Variants in JRK observed in about 807,000 individuals in gnomAD.
JRK encodes jerky protein homolog.
For missense variants in JRK, 720 were observed against 509.2 expected, an observed-to-expected ratio of 1.41 and a Z score of -3.98; for synonymous variants, 303 against 218.1, an observed-to-expected ratio of 1.39 and a Z score of -3.43.
rs587664513 is a variant in JRK, at chr8:142,664,125, C to T, written c.*227G>A. 345 of 1,325,248 alleles carry T rather than the reference C, an allele frequency of 2.6e-4. 1 individual carries two copies. The highest frequency in any genetic ancestry group is 9.6e-6 in the Non-Finnish European group (10 of 1,041,550). The allele number at this position is 1,325,248 out of a possible 1,614,324, so 82.1% of individuals were successfully genotyped here. On this transcript the variant is annotated 3_prime_UTR_variant, in exon 2 of 2. Coordinates refer to ENST00000612905, the MANE Select transcript of JRK (RefSeq NM_003724.4). The stretch of plus-strand genomic sequence containing the variant: ...TGGACCCTTCCAAAACATTTCCTCA[C>T]TTTCGGATGACACGGCAAGTGATAA...
In JRK at chr8:142,665,820, G is replaced by A. The variant is rs1554635899; in HGVS notation, c.239C>T (p.Thr80Met). The A allele has an allele frequency of 3.9e-6, 3 of 779,034 alleles. No homozygotes were observed. The highest frequency in any genetic ancestry group is 3.4e-5 in the Admixed American group (2 of 58,858). 48.3% of individuals were successfully genotyped at this position (779,034 alleles called of 1,614,324 possible). ...DSNKALEQRRTLHTPKLEHLD... is the reference protein window; with the variant it reads ...DSNKALEQRRMLHTPKLEHLD... ...GTGCTCCAGCTTGGGCGTGTGCAGC[G>A]TGCGCCGCTGCTCCAGCGCCTTGTT... Residue 80 changes from threonine (T) to methionine (M), a missense_variant, in exon 2 of 2, where the codon ACG becomes ATG. Coordinates refer to ENST00000612905, the MANE Select transcript of JRK (RefSeq NM_003724.4).
Position 142,658,864 on chromosome 8 carries a change from T to C in JRK, c.*5488A>G, listed in dbSNP as rs587653460. On this transcript the variant is annotated 3_prime_UTR_variant, in exon 2 of 2. Transcript: ENST00000612905. ...CAGAAGTTCTCCAACATTATGTCTCTGTAGAGGCCTCCAGGCAGCACTTAG... is the reference window on the plus strand; with the variant it reads ...CAGAAGTTCTCCAACATTATGTCTCCGTAGAGGCCTCCAGGCAGCACTTAG... The C allele has an allele frequency of 6.2e-6, 10 of 1,613,158 alleles. No homozygotes were observed. The African/African-American group carries it at 9.3e-5, about 15-fold the overall frequency.
chr8:142,669,201 C>CGT (rs1218262926), intron 1 of JRK, among the ~76,000 whole-genome samples: 1 of 47,978 alleles, frequency 2.1e-5, no homozygotes, highest in South Asian at 1.0e-3. Flanking sequence ...TGTGTGTGTG[C>CGT]GTGTGTGTGT....
the JRK span, among the ~76,000 whole-genome samples, chr8:142,651,074 G>A: frequency 7.9e-5 from 12 of 151,940 alleles, no homozygotes; most frequent in Non-Finnish European, 1.3e-4. Context: ...GCAAGAGAAA[G>A]GAGAGACAGC....
chr8:142,645,801 GTAGGACTAAAT>G, the JRK span, among the ~76,000 whole-genome samples: 1 of 152,090 alleles, frequency 6.6e-6, no homozygotes, highest in African/African-American at 2.4e-5. Flanking sequence ...TCATTTTACT[GTAGGACTAAAT>G]TGATCATACA....
In JRK at chr8:142,664,053, GC is replaced by G; in HGVS notation, c.*298del. On this transcript the variant is annotated 3_prime_UTR_variant, in exon 2 of 2. Transcript: ENST00000612905. ...CACGAGACCAGATCGGCTCAGCCTG[GC>G]CCCCATTCCAGCCAGGGTGCGGCTC... 2 of 1,200,832 alleles carry G rather than the reference GC, an allele frequency of 1.7e-6. No homozygotes were observed. The highest frequency in any genetic ancestry group is 2.1e-6 in the Non-Finnish European group (2 of 966,444). The allele number at this position is 1,200,832 out of a possible 1,614,324, so 74.4% of individuals were successfully genotyped here. A position where few individuals can be genotyped will look rare whatever the true frequency, so the allele number is the denominator to read the frequency against.
Position 142,662,926 on chromosome 8 carries a change from G to A in JRK, c.*1426C>T. The A allele has an allele frequency of 1.1e-6, 1 of 905,016 alleles. No individual in the cohort carries two copies. Among genetic ancestry groups the A allele is most frequent in the Non-Finnish European group, 1.3e-6 (1 of 756,742 alleles). 56.1% of individuals were successfully genotyped at this position (905,016 alleles called of 1,614,324 possible). The stretch of plus-strand genomic sequence containing the variant: ...TGTAATCCCAGCACTTTAGAAGGAT[G>A]AGGAAGGAGGATCGCTTGAGGCCAA... On this transcript the variant is annotated 3_prime_UTR_variant, in exon 2 of 2. Coordinates refer to ENST00000612905, the MANE Select transcript of JRK (RefSeq NM_003724.4).
the JRK span, among the ~76,000 whole-genome samples, chr8:142,649,452 G>A: frequency 6.6e-6 from 1 of 152,330 alleles, no homozygotes; most frequent in Non-Finnish European, 1.5e-5. Context: ...TTTTTGAAGA[G>A]AAGTTCCCCT....
Position 142,661,525 on chromosome 8 carries a change from C to G in JRK, c.*2827G>C. On this transcript the variant is annotated 3_prime_UTR_variant, in exon 2 of 2. Transcript: ENST00000612905. ...AGAGGTCCCAAACCATATGACGCAG[C>G]ACCTGCTACCCCACGAGCCACTGGA... 1 of 985,494 alleles carries G rather than the reference C, an allele frequency of 1.0e-6. No individual in the cohort carries two copies. Among genetic ancestry groups the G allele is most frequent in the Non-Finnish European group, 1.2e-6 (1 of 829,974 alleles). The allele number at this position is 985,494 out of a possible 1,614,324, so 61.0% of individuals were successfully genotyped here.
rs587702771 is a variant in JRK, at chr8:142,665,013, G to A, written c.1046C>T (p.Pro349Leu). The change falls in exon 2 of 2, where the codon CCC (proline) becomes CTC (leucine). Residue 349 changes from proline to leucine, a missense_variant. Coordinates refer to ENST00000612905, the MANE Select transcript of JRK (RefSeq NM_003724.4). ...GTAGCGGGCGTGGGGGCCCTGCAGG[G>A]GGACCGGAGGGTTAATGAAGTTCCT... ...FMRNFINPPVPLQGPHARYNM... is the reference protein window; with the variant it reads ...FMRNFINPPVLLQGPHARYNM... 5.6e-6 allele frequency: 4 copies of A among 715,720 alleles called. No individual in the cohort carries two copies. The highest frequency in any genetic ancestry group is 2.7e-5 in the East Asian group (1 of 37,220). 44.3% of individuals were successfully genotyped at this position (715,720 alleles called of 1,614,324 possible).
intron 1 of JRK, among the ~76,000 whole-genome samples, 189 bp downstream of exon 1, chr8:142,669,743 G>C (rs1463852865): frequency 6.7e-6 from 1 of 149,630 alleles, no homozygotes; most frequent in African/African-American, 2.4e-5. Flanking sequence ...GCTCCCGGGA[G>C]GGGGCGCTGC....
chr8:142,666,806 C>T (rs993575327), intron 1 of JRK, among the ~76,000 whole-genome samples: 2 of 152,204 alleles, frequency 1.3e-5, no homozygotes, highest in East Asian at 1.9e-4. Context: ...AGGAGCAGCC[C>T]GGCCTTTCCT....
chr8:142,664,561 A>C lies in JRK; in HGVS notation c.1498T>G (p.Phe500Val). The C allele has an allele frequency of 6.2e-7, 1 of 1,608,432 alleles. No homozygotes were observed. Residue 500 changes from phenylalanine (F) to valine (V), a missense_variant, in exon 2 of 2, where the codon TTT becomes GTT. Phe to Val is a conservative substitution (Grantham distance 50). Coordinates refer to ENST00000612905, the MANE Select transcript of JRK (RefSeq NM_003724.4). ...AAVAFDAVLR[F>V]AERQPCFSAQ... The stretch of plus-strand genomic sequence containing the variant: ...CTGAAGCATGGCTGCCGCTCCGCAA[A>C]GCGCAGGACTGCGTCAAAGGCCACG...
In JRK at chr8:142,665,810, C is replaced by T. The variant is rs1426737695; in HGVS notation, c.249G>A (p.Thr83=). ...KALEQRRTLH[T]PKLEHLDRVL... is the part of the protein sequence containing the mutation. ...CGCGGTCCAGGTGCTCCAGCTTGGG[C>T]GTGTGCAGCGTGCGCCGCTGCTCCA... Residue 83 remains threonine, a synonymous_variant, in exon 2 of 2, where the codon ACG becomes ACA. Coordinates refer to ENST00000612905, the MANE Select transcript of JRK (RefSeq NM_003724.4). 10 of 778,712 alleles carry T rather than the reference C, an allele frequency of 1.3e-5. No individual in the cohort carries two copies. Among genetic ancestry groups the T allele is most frequent in the South Asian group, 8.1e-5 (6 of 74,354 alleles). The allele number at this position is 778,712 out of a possible 1,614,324, so 48.2% of individuals were successfully genotyped here. A position where few individuals can be genotyped will look rare whatever the true frequency, so the allele number is the denominator to read the frequency against.
At position 142,668,423 on chromosome 8, in the gene JRK, G is replaced by A. The variant is rs4541887; in HGVS notation, c.-463+1509C>T. Among the ~76,000 whole-genome samples the A allele has an allele frequency of 2.0e-3, 305 of 152,286 alleles. 3 individuals carry two copies. Among genetic ancestry groups the A allele is most frequent in the African/African-American group, 6.9e-3 (286 of 41,570 alleles). ...TCCTGCATTGTTCGCTGAGGGTGACGGTGTGACGTGTGTGCGGTCTGGCAC... is the reference window on the plus strand; with the variant it reads ...TCCTGCATTGTTCGCTGAGGGTGACAGTGTGACGTGTGTGCGGTCTGGCAC... On this transcript the variant is annotated intron_variant, in intron 1 of 1. Transcript: ENST00000612905.
intron 1 of JRK, among the ~76,000 whole-genome samples, chr8:142,667,281 G>T (rs966967534): frequency 7.9e-5 from 12 of 152,314 alleles, no homozygotes; most frequent in African/African-American, 2.6e-4. Context: ...TCTTCCAGAG[G>T]GGACCCCTCA....
At position 142,664,704 on chromosome 8, in the gene JRK, G is replaced by C; in HGVS notation, c.1355C>G (p.Pro452Arg). 6 of 1,607,796 alleles carry C rather than the reference G, an allele frequency of 3.7e-6. No individual in the cohort carries two copies. The highest frequency in any genetic ancestry group is 2.2e-5 in the East Asian group (1 of 44,694). Residue 452 changes from proline to arginine, a missense_variant, in exon 2 of 2, where the codon CCC becomes CGC. Pro to Arg is a moderately radical substitution (Grantham distance 103). Transcript: ENST00000612905. ...VAGREAEGGRPPAATSPAEVV... is the reference protein window; with the variant it reads ...VAGREAEGGRRPAATSPAEVV... Reference sequence around the variant, plus strand: ...CTCTGCTGGCGACGTGGCAGCAGGGGGCCGTCCCCCTTCTGCCTCCCTTCC... The same window carrying C: ...CTCTGCTGGCGACGTGGCAGCAGGGCGCCGTCCCCCTTCTGCCTCCCTTCC...
rs1164782650 is a variant in JRK at position 142,666,430 on chromosome 8, C to T, written c.-372G>A. ...ATGGCAGCGGCTCCCCTCAAACTGA[C>T]CAGGTTTGGGGTGGTAGAGGTTTTA... On this transcript the variant is annotated 5_prime_UTR_variant, in exon 2 of 2. Coordinates refer to ENST00000612905, the MANE Select transcript of JRK (RefSeq NM_003724.4). 37 of 384,996 alleles carry T rather than the reference C, an allele frequency of 9.6e-5. No homozygotes were observed. In the Admixed American group the frequency reaches 1.4e-3, roughly 14 times the overall value. The allele number at this position is 384,996 out of a possible 1,614,324, so 23.8% of individuals were successfully genotyped here.
At chr8:142,652,455 G>A in the JRK span, among the ~76,000 whole-genome samples, 2 of 152,170 alleles carry the variant, frequency 1.3e-5, no homozygotes, top group African/African-American at 4.8e-5. Context: ...AGTGGGGCAG[G>A]GGCTTCCAGG....
Sources: gnomAD v4.1 joint callset for allele counts (sites outside exome capture counted in the v4.1 genomes callset) on GRCh38, gnomAD v4.1.1 for gene constraint, MANE v1.5 for transcripts, NCBI Gene and HGNC (gene_info 2026-07-23, HGNC 2026-07-21) for gene names.